CARM1: variants seen among roughly 807,000 people sequenced by gnomAD.
CARM1 encodes coactivator associated arginine methyltransferase 1.
A neutral mutation model predicts 72.7 loss-of-function variants in CARM1; 14 were observed. The ratio of observed to expected loss-of-function variants is 0.19; its 90% CI spans 0.13 to 0.30. The LOEUF is 0.30. CARM1 is among the 10% of genes least tolerant of loss of function. The pLI is 1.00. For missense variants in CARM1, 432 were observed against 833.7 expected, an observed-to-expected ratio of 0.52 and a Z score of 5.93; for synonymous variants, 333 against 345.5, an observed-to-expected ratio of 0.96 and a Z score of 0.40.
chr19:10,880,637 G>A (rs2073895574), intron 1 of CARM1, among the ~76,000 whole-genome samples: 1 of 151,966 alleles, frequency 6.6e-6, no homozygotes, highest in African/African-American at 2.4e-5. Context: ...ACAGGTGTGA[G>A]TCATGGCAGC....
Position 10,909,917 on chromosome 19 carries a change from C to T in CARM1, c.558+710C>T, listed in dbSNP as rs981847492. Among the ~76,000 whole-genome samples the T allele has an allele frequency of 6.6e-5, 10 of 152,176 alleles. No homozygotes were observed. In the East Asian group the frequency reaches 1.5e-3, roughly 24 times the overall value. ...AGATTTTTCCCCATACAGACATCAG[C>T]GTATATTTTACAATTATTTTATTGA... is the stretch of plus-strand genomic sequence containing the variant. On this transcript the variant is annotated intron_variant, in intron 4 of 15. Transcript: ENST00000327064.
In CARM1 at chr19:10,916,873, C is replaced by G; in HGVS notation, c.1020+96C>G. Reference sequence around the variant, plus strand: ...AAGCTACAGCCCCTCTCTGAGCCCTCTCCTCTGCCCTGCACAGCGCTCTCA... The same window carrying G: ...AAGCTACAGCCCCTCTCTGAGCCCTGTCCTCTGCCCTGCACAGCGCTCTCA... On this transcript the variant is annotated intron_variant, in intron 8 of 15. Transcript: ENST00000327064. The surrounding 1 kb of genome is among the most constrained non-coding windows in gnomAD (Gnocchi z 4.4). 2 of 892,820 alleles carry G rather than the reference C, an allele frequency of 2.2e-6. No homozygotes were observed. Among genetic ancestry groups the G allele is most frequent in the Non-Finnish European group, 3.5e-6 (2 of 572,372 alleles). The allele number at this position is 892,820 out of a possible 1,614,324, so 55.3% of individuals were successfully genotyped here.
chr19:10,899,226 C>G (rs1262474682), intron 1 of CARM1, among the ~76,000 whole-genome samples: 1 of 152,196 alleles, frequency 6.6e-6, no homozygotes, highest in Non-Finnish European at 1.5e-5. Context: ...CTAGCCCTGG[C>G]TGGGCACAGC....
intron 1 of CARM1, among the ~76,000 whole-genome samples, chr19:10,897,576 G>C (rs2074033328): frequency 6.6e-6 from 1 of 152,220 alleles, no homozygotes. Context: ...GTAGCCCCAG[G>C]CTGGGTCCAG....
chr19:10,894,563 C>T (rs1457599065), intron 1 of CARM1, among the ~76,000 whole-genome samples: 1 of 152,158 alleles, frequency 6.6e-6, no homozygotes. Context: ...CTACCAGCTA[C>T]TCCCCCGCCC....
rs1320829292 is a variant in CARM1 at position 10,912,172 on chromosome 19, C to T, written c.559-12C>T. 4 of 1,609,230 alleles carry T rather than the reference C, an allele frequency of 2.5e-6. No homozygotes were observed. In the East Asian group the frequency reaches 8.9e-5, roughly 36 times the overall value. On this transcript the variant is annotated splice_polypyrimidine_tract_variant and intron_variant, in intron 4 of 15. Coordinates refer to ENST00000327064, the MANE Select transcript of CARM1 (RefSeq NM_199141.2). The surrounding 1 kb of genome is among the most constrained non-coding windows in gnomAD (Gnocchi z 4.5). ...TCCTATGTCTCGCTCTCACCTCCCA[C>T]TCCTCCCTCAGATCGTTCTTGATGT...
rs370682159 is a variant in CARM1 at position 10,909,237 on chromosome 19, C to G, written c.558+30C>G. 14 of 1,372,752 alleles carry G rather than the reference C, an allele frequency of 1.0e-5. No individual in the cohort carries two copies. The African/African-American group carries it at 1.6e-4, about 16-fold the overall frequency. 85.0% of individuals were successfully genotyped at this position (1,372,752 alleles called of 1,614,324 possible). A position where few individuals can be genotyped will look rare whatever the true frequency, so the allele number is the denominator to read the frequency against. The stretch of plus-strand genomic sequence containing the variant: ...GTGGCCCGCGCATGTGCCCACCTCT[C>G]TGCTTCTGTCTCGGTTTTTTTTTTC... On this transcript the variant is annotated intron_variant, in intron 4 of 15. Coordinates refer to ENST00000327064, the MANE Select transcript of CARM1 (RefSeq NM_199141.2).
chr19:10,913,017 C>T (rs2074164996), intron 5 of CARM1, among the ~76,000 whole-genome samples: 1 of 152,188 alleles, frequency 6.6e-6, no homozygotes. Flanking sequence ...TCGTCCCCCT[C>T]TTTGCAGCCA....
At chr19:10,875,252 C>T (rs978609986) in intron 1 of CARM1, among the ~76,000 whole-genome samples, 8 of 152,120 alleles carry the variant, frequency 5.3e-5, no homozygotes, top group African/African-American at 1.9e-4. Flanking sequence ...GCAGTGGATC[C>T]AGCTGTTGCT....
rs1303843177 is a variant in CARM1, at chr19:10,912,083, A to C, written c.559-101A>C. ...CCATAAAGGGCAAACATTGAGAGTG[A>C]AGACAGACGCCTCATGATGTGCACA... On this transcript the variant is annotated intron_variant, in intron 4 of 15. Transcript: ENST00000327064. This position sits in a 1 kb window ranked among gnomAD's most constrained non-coding sequence, Gnocchi z 4.5. 7 of 871,640 alleles carry C rather than the reference A, an allele frequency of 8.0e-6. No individual in the cohort carries two copies. The highest frequency in any genetic ancestry group is 7.3e-5 in the East Asian group (3 of 41,336). The allele number at this position is 871,640 out of a possible 1,614,324, so 54.0% of individuals were successfully genotyped here.
chr19:10,921,773 A>G lies in CARM1; in HGVS notation c.*16A>G. On this transcript the variant is annotated 3_prime_UTR_variant, in exon 16 of 16. Coordinates refer to ENST00000327064, the MANE Select transcript of CARM1 (RefSeq NM_199141.2). ...CGGGAGCTAGGGGCCCGCCCCGCGG[A>G]CTGACAGCACCAGGAAACCAAATGA... is the stretch of plus-strand genomic sequence containing the variant. 1 of 1,572,682 alleles carries G rather than the reference A, an allele frequency of 6.4e-7. No homozygotes were observed. The highest frequency in any genetic ancestry group is 8.7e-7 in the Non-Finnish European group (1 of 1,154,030).
intron 8 of CARM1, chr19:10,918,991 A>G (rs2074219350): frequency 6.6e-6 from 1 of 152,484 alleles, no homozygotes; most frequent in South Asian, 2.1e-4. Flanking sequence ...GGACAGCAGC[A>G]CTAGTGTTGT....
chr19:10,913,190 C>T (rs2074167690), intron 5 of CARM1, among the ~76,000 whole-genome samples: 1 of 151,950 alleles, frequency 6.6e-6, no homozygotes, highest in Non-Finnish European at 1.5e-5. Flanking sequence ...TTGCAACCTC[C>T]ACCTCCCGGG....
rs778554156 is a variant in CARM1 at position 10,919,642 on chromosome 19, G to A, written c.1068G>A (p.Thr356=). 1.7e-5 allele frequency: 27 copies of A among 1,613,998 alleles called. No homozygotes were observed. The highest frequency in any genetic ancestry group is 2.2e-5 in the South Asian group (2 of 91,086). ...TGATGGCCAAGTCTGTCAAGTACAC[G>A]GTGAACTTCTTAGAAGCCAAAGAAG... ...RILMAKSVKY[T]VNFLEAKEGD... The change falls in exon 9 of 16, where the codon ACG becomes ACA. Residue 356 remains threonine, a synonymous_variant. Coordinates refer to ENST00000327064, the MANE Select transcript of CARM1 (RefSeq NM_199141.2).
At position 10,912,186 on chromosome 19, in the gene CARM1, C is replaced by T. The variant is rs867938978; in HGVS notation, c.561C>T (p.Ile187=). The change falls in exon 5 of 16, where the codon ATC becomes ATT. Residue 187 remains isoleucine, a splice_region_variant and synonymous_variant. Transcript: ENST00000327064. This position sits in a 1 kb window ranked among gnomAD's most constrained non-coding sequence, Gnocchi z 4.5. The part of the protein sequence containing the change: ...LQNHTDFKDK[I]VLDVGCGSGI... ...CTCACCTCCCACTCCTCCCTCAGAT[C>T]GTTCTTGATGTTGGCTGTGGCTCTG... 3.7e-6 allele frequency: 6 copies of T among 1,613,544 alleles called. No individual in the cohort carries two copies. The highest frequency in any genetic ancestry group is 4.5e-5 in the East Asian group (2 of 44,896).
At chr19:10,897,710 G>A (rs773919481) in intron 1 of CARM1, among the ~76,000 whole-genome samples, 3 of 152,136 alleles carry the variant, frequency 2.0e-5, no homozygotes, top group South Asian at 4.1e-4. Flanking sequence ...GCTCTGGGCC[G>A]GGCACGGTGG....
chr19:10,875,719 C>T (rs948307320), intron 1 of CARM1, among the ~76,000 whole-genome samples: 2 of 151,808 alleles, frequency 1.3e-5, no homozygotes, highest in South Asian at 2.1e-4. Context: ...CCACCGTGCC[C>T]GGCCCCAGCT....
rs375492253 is a variant in CARM1 at position 10,921,397 on chromosome 19, C to T, written c.1638C>T (p.His546=). The T allele has an allele frequency of 5.0e-6, 8 of 1,609,794 alleles. No individual in the cohort carries two copies. The highest frequency in any genetic ancestry group is 1.7e-5 in the Admixed American group (1 of 58,166). ...IPLANTGIVN[H]THSRMGSIMS... ...CAGCCAACACGGGGATTGTCAATCA[C>T]ACCCACTCCCGGATGGGCTCCATAA... The change falls in exon 15 of 16, where the codon CAC becomes CAT. Residue 546 remains histidine, a synonymous_variant. Transcript: ENST00000327064.
chr19:10,880,059 A>T (rs952646448), intron 1 of CARM1, among the ~76,000 whole-genome samples: 1 of 152,174 alleles, frequency 6.6e-6, no homozygotes, highest in Admixed American at 6.5e-5. Context: ...CTTGCTAATG[A>T]CTTTGAGATG....
Sources: gnomAD v4.1 joint callset for allele counts (sites outside exome capture counted in the v4.1 genomes callset) on GRCh38, gnomAD v4.1.1 for gene constraint, Gnocchi (gnomAD v3.1) non-coding constraint, MANE v1.5 for transcripts, NCBI Gene and HGNC (gene_info 2026-07-23, HGNC 2026-07-21) for gene names.